OR4A15: variants seen among roughly 807,000 people sequenced by gnomAD.
OR4A15 encodes olfactory receptor 4A15.
For synonymous variants in OR4A15, 240 were observed against 135.6 expected (o/e 1.77, Z -5.35); for missense variants, 657 against 374.7 (o/e 1.75, Z -6.22).
exon 1 of OR4A15, chr11:55,368,452 T>C (rs1327672242): frequency 1.2e-6 from 2 of 1,611,348 alleles, no homozygotes; most frequent in Non-Finnish European, 1.7e-6. Context: ...CAATTTCTCT[T>C]TATTTATCAG....
At chr11:55,368,406 G>T in exon 1 of OR4A15, 3 of 1,613,656 alleles carry the variant, frequency 1.9e-6, no homozygotes, top group Non-Finnish European at 2.5e-6. Context: ...TATGCTGTTG[G>T]CGGCCTGGAT....
exon 1 of OR4A15, chr11:55,368,867 A>T: frequency 6.2e-7 from 1 of 1,610,158 alleles, no homozygotes; most frequent in Non-Finnish European, 8.5e-7. Context: ...CCATGAGGAA[A>T]CTTTGGAGTA....
At chr11:55,368,119 C>T (rs767252403) in exon 1 of OR4A15, 5 of 1,612,834 alleles carry the variant, frequency 3.1e-6, no homozygotes, top group Middle Eastern at 1.9e-4. Flanking sequence ...ACCATCATGG[C>T]CAGCCAGTCC....
chr11:55,368,549 C>T (rs1454180361), exon 1 of OR4A15: 12 of 1,613,328 alleles, frequency 7.4e-6, no homozygotes, highest in East Asian at 2.2e-5. Flanking sequence ...ATACCTATGT[C>T]ACTGGGCTTT....
exon 1 of OR4A15, chr11:55,368,812 T>C: frequency 3.7e-6 from 6 of 1,613,482 alleles, no homozygotes; most frequent in Non-Finnish European, 4.2e-6. Context: ...ACTCCCATGC[T>C]GAACCCACTA....
At chr11:55,368,633 A>G (rs769036861) in exon 1 of OR4A15, 1 of 1,613,718 alleles carries the variant, frequency 6.2e-7, no homozygotes, top group Non-Finnish European at 8.5e-7. Flanking sequence ...GGGTCATATT[A>G]CACTCTCTTA....
At chr11:55,368,233 A>G (rs1853879069) in exon 1 of OR4A15, 1 of 1,613,734 alleles carries the variant, frequency 6.2e-7, no homozygotes, top group African/African-American at 1.3e-5. Context: ...CTCTCTGAGA[A>G]AAAGACCATT....
chr11:55,368,873 G>C, exon 1 of OR4A15: 1 of 1,608,180 alleles, frequency 6.2e-7, no homozygotes, highest in Non-Finnish European at 8.5e-7. Flanking sequence ...GGAAACTTTG[G>C]AGTAAAAAAG....
chr11:55,368,056 C>T (rs1283156161), exon 1 of OR4A15: 1 of 1,613,458 alleles, frequency 6.2e-7, no homozygotes, highest in Non-Finnish European at 8.5e-7. Flanking sequence ...TTATTTGTCA[C>T]ATTCTTACTA....
At position 55,368,604 on chromosome 11, in the gene OR4A15, A is replaced by C. The variant is rs571865652; in HGVS notation, c.631A>C (p.Thr211Pro). Residue 211 changes from threonine to proline, a missense_variant, in exon 1 of 1, where the codon ACT becomes CCT. By Grantham distance (38) the Thr-to-Pro change is conservative (BLOSUM62 -1). Transcript: ENST00000641526. ...AGCGATTTGTGCTGTCACCTTCTTC[A>C]CTATCCTGCTTTCCTATGGGGTCAT... 2.0e-5 allele frequency: 33 copies of C among 1,613,676 alleles called. No individual in the cohort carries two copies. The highest frequency in any genetic ancestry group is 1.7e-4 in the African/African-American group (13 of 75,012).
exon 1 of OR4A15, chr11:55,368,272 T>C: frequency 6.2e-7 from 1 of 1,613,902 alleles, no homozygotes; most frequent in Non-Finnish European, 8.5e-7. Context: ...GCTCAACTTT[T>C]TATGGATCAT....
At chr11:55,368,027 C>T (rs1565112588) in exon 1 of OR4A15, 2 of 1,613,478 alleles carry the variant, frequency 1.2e-6, no homozygotes, top group African/African-American at 1.3e-5. Flanking sequence ...TCACACAGAA[C>T]CCTGAGGGGC....
At chr11:55,368,725 C>T (rs1565113120) in exon 1 of OR4A15, 4 of 1,613,690 alleles carry the variant, frequency 2.5e-6, no homozygotes, top group African/African-American at 1.3e-5. Context: ...TTCTTTGTCC[C>T]CTGTATCTTC....
At chr11:55,368,759 T>G in exon 1 of OR4A15, 2 of 1,613,772 alleles carry the variant, frequency 1.2e-6, no homozygotes, top group Non-Finnish European at 1.7e-6. Context: ...CCAATTCTAC[T>G]TTTCCCATTG....
chr11:55,368,333 A>C, exon 1 of OR4A15: 2 of 1,613,364 alleles, frequency 1.2e-6, no homozygotes, highest in Non-Finnish European at 1.7e-6. Flanking sequence ...CCTATGATCG[A>C]TACATGGCCA....
exon 1 of OR4A15, chr11:55,368,181 G>T: frequency 2.5e-6 from 4 of 1,613,244 alleles, no homozygotes; most frequent in Non-Finnish European, 3.4e-6. Flanking sequence ...CATAGATACC[G>T]TCTATTCTAC....
Position 55,368,861 on chromosome 11 carries a change from G to T in OR4A15, c.888G>T (p.Met296Ile), listed in dbSNP as rs1565113230. ...AGAATGCAGAAATGAAAAGTGCCAT[G>T]AGGAAACTTTGGAGTAAAAAAGTAA... is the stretch of plus-strand genomic sequence containing the variant. Residue 296 changes from methionine (M) to isoleucine (I), a missense_variant, in exon 1 of 1, where the codon ATG (methionine) becomes ATT (isoleucine). Physicochemically the swap from Met to Ile is conservative, Grantham distance 10 (BLOSUM62 1). Transcript: ENST00000641526. The T allele has an allele frequency of 3.1e-6, 5 of 1,611,364 alleles. No individual in the cohort carries two copies. The South Asian group carries it at 4.4e-5, about 14-fold the overall frequency.
chr11:55,368,768 T>A (rs1280262114), exon 1 of OR4A15: 1 of 1,613,738 alleles, frequency 6.2e-7, no homozygotes, highest in Admixed American at 1.7e-5. Flanking sequence ...CTTTTCCCAT[T>A]GATAAATCCA....
At chr11:55,368,363 A>T (rs200010340) in exon 1 of OR4A15, 4 of 1,612,972 alleles carry the variant, frequency 2.5e-6, no homozygotes, top group Non-Finnish European at 3.4e-6. Flanking sequence ...CTCTTCATGA[A>T]TTGATCACCA....
Sources: gnomAD v4.1 joint callset for allele counts on GRCh38, gnomAD v4.1.1 for gene constraint, MANE v1.5 for transcripts, NCBI Gene and HGNC (gene_info 2026-07-23, HGNC 2026-07-21) for gene names.